HDAC8: variants seen among roughly 807,000 people sequenced by gnomAD.
HDAC8 encodes the protein histone deacetylase-like 1.
A neutral mutation model predicts 32.2 loss-of-function variants in HDAC8; 1 was observed. The ratio of observed to expected loss-of-function variants is 0.03; its 90% CI spans 0.01 to 0.15. The LOEUF (loss-of-function observed/expected upper bound fraction) is 0.15. HDAC8 is among the 10% of genes least tolerant of loss of function. The pLI, the probability that HDAC8 is intolerant of heterozygous loss-of-function variation, is 1.00. For synonymous variants in HDAC8, 108 were observed against 113.9 expected, an observed-to-expected ratio of 0.95 and a Z score of 0.33; for missense variants, 117 against 300.0, an observed-to-expected ratio of 0.39 and a Z score of 4.51.
intron 2 of HDAC8, among the ~76,000 whole-genome samples, chrX:72,570,413 G>A (rs2051975295): frequency 9.0e-6 from 1 of 110,929 alleles, no homozygotes; most frequent in Non-Finnish European, 1.9e-5. Flanking sequence ...TTAATGGAAG[G>A]CATATAGTTA....
At chrX:72,456,655 C>T (rs781832910) in intron 9 of HDAC8, among the ~76,000 whole-genome samples, 1 of 110,307 alleles carries the variant, frequency 9.1e-6, no homozygotes, top group African/African-American at 3.3e-5. Flanking sequence ...AAAAATTAGC[C>T]GGGTGTGGTG....
At chrX:72,567,655 G>A in intron 4 of HDAC8, 2 of 1,008,914 alleles carry the variant, frequency 2.0e-6, no homozygotes, top group South Asian at 2.0e-5. Flanking sequence ...AAGTCAGTTA[G>A]CCAAGTTAGA....
chrX:72,530,783 C>T (rs1556035465), intron 4 of HDAC8, among the ~76,000 whole-genome samples: 1 of 112,101 alleles, frequency 8.9e-6, no homozygotes, highest in African/African-American at 3.2e-5. Context: ...ATACTTAGTA[C>T]ATTCAGTGGA....
rs782538163 is a variant in HDAC8, at chrX:72,488,518, A to G, written c.737+415T>C. 1.9e-3 allele frequency among the ~76,000 whole-genome samples: 217 copies of G among 112,099 alleles called. 1 individual carries two copies. Among genetic ancestry groups the G allele is most frequent in the Non-Finnish European group, 2.9e-3 (155 of 53,221 alleles). ...AGGTAAGAATGCATGATGAATAATAATAGTCAATTCTCTAATATTTACACC... is the reference window on the plus strand; with the variant it reads ...AGGTAAGAATGCATGATGAATAATAGTAGTCAATTCTCTAATATTTACACC... On this transcript the variant is annotated intron_variant, in intron 7 of 10. Coordinates refer to ENST00000373573, the MANE Select transcript of HDAC8 (RefSeq NM_018486.3).
At chrX:72,527,124 C>T (rs781918919) in intron 4 of HDAC8, among the ~76,000 whole-genome samples, 1 of 112,116 alleles carries the variant, frequency 8.9e-6, no homozygotes, top group Non-Finnish European at 1.9e-5. Flanking sequence ...TTCTAAATTT[C>T]CAGCCTCATC....
chrX:72,442,411 C>A (rs1178217346), intron 9 of HDAC8, among the ~76,000 whole-genome samples: 1 of 111,387 alleles, frequency 9.0e-6, no homozygotes, highest in Non-Finnish European at 1.9e-5. Context: ...ATTTTCAACC[C>A]AGAATTTCAT....
chrX:72,376,734 C>A (rs782259982), intron 9 of HDAC8, among the ~76,000 whole-genome samples: 11 of 111,260 alleles, frequency 9.9e-5, no homozygotes, highest in African/African-American at 1.6e-4. Flanking sequence ...TTTATTATTT[C>A]TTTTCCTCTG....
chrX:72,353,982 T>C lies in HDAC8; in HGVS notation c.1006-2144A>G, dbSNP rs1215023693. ...GTTTGGAACAACACGTCCTCACTTA[T>C]GTGTGCCTATTATGCACTTACCCTC... On this transcript the variant is annotated intron_variant, in intron 9 of 10. Coordinates refer to ENST00000373573, the MANE Select transcript of HDAC8 (RefSeq NM_018486.3). Among the ~76,000 whole-genome samples, 11 of 112,108 alleles carry C rather than the reference T, an allele frequency of 9.8e-5. No homozygotes were observed. In the Admixed American group the frequency reaches 1.0e-3, roughly 11 times the overall value.
chrX:72,489,817 C>A (rs1408540229), intron 6 of HDAC8, among the ~76,000 whole-genome samples: 1 of 110,841 alleles, frequency 9.0e-6, no homozygotes, highest in Admixed American at 9.6e-5. Context: ...GAACAGGCAA[C>A]CTATAGAATG....
chrX:72,421,282 TA>T (rs782805223), intron 9 of HDAC8, among the ~76,000 whole-genome samples: 5 of 111,726 alleles, frequency 4.5e-5, no homozygotes, highest in African/African-American at 1.3e-4. Flanking sequence ...GTTACACAGG[TA>T]AACGTCTGCC....
At chrX:72,560,534 C>G (rs1213941714) in intron 4 of HDAC8, among the ~76,000 whole-genome samples, 3 of 95,480 alleles carry the variant, frequency 3.1e-5, no homozygotes, top group Admixed American at 2.4e-4. Flanking sequence ...TCCCCCTCTC[C>G]GAGAAACACC....
chrX:72,404,837 A>C (rs909291552), intron 9 of HDAC8, among the ~76,000 whole-genome samples: 4 of 110,371 alleles, frequency 3.6e-5, no homozygotes, highest in African/African-American at 3.3e-5. Flanking sequence ...TAATGTGTGG[A>C]GATATTAATT....
intron 4 of HDAC8, among the ~76,000 whole-genome samples, chrX:72,544,296 G>A (rs782079162): frequency 5.4e-5 from 6 of 111,750 alleles, no homozygotes; most frequent in East Asian, 2.8e-4. Context: ...GTTCTCCTGC[G>A]ACAGGACAAT....
In HDAC8 at chrX:72,396,481, A is replaced by C. The variant is rs548728633; in HGVS notation, c.1006-44643T>G. 4.3e-3 allele frequency among the ~76,000 whole-genome samples: 487 copies of C among 112,445 alleles called. 3 individuals carry two copies. The highest frequency in any genetic ancestry group is 6.7e-3 in the Non-Finnish European group (359 of 53,272). ...AGTTTTTAAAAATTTTTTTCTTTCA[A>C]AAAAAGTTAATTATTTAAGTTGACA... is the stretch of plus-strand genomic sequence containing the variant. On this transcript the variant is annotated intron_variant, in intron 9 of 10. Coordinates refer to ENST00000373573, the MANE Select transcript of HDAC8 (RefSeq NM_018486.3).
intron 9 of HDAC8, among the ~76,000 whole-genome samples, chrX:72,378,897 G>A (rs1469882708): frequency 3.7e-5 from 4 of 106,930 alleles, no homozygotes; most frequent in East Asian, 2.9e-4. Context: ...CAGTCTTGTC[G>A]CCAAGGCTGG....
At chrX:72,437,807 G>C (rs1177802690) in intron 9 of HDAC8, among the ~76,000 whole-genome samples, 3 of 112,320 alleles carry the variant, frequency 2.7e-5, no homozygotes, top group Admixed American at 1.9e-4. Flanking sequence ...TCCTCTCTGG[G>C]CAGGGCATCT....
intron 7 of HDAC8, among the ~76,000 whole-genome samples, chrX:72,483,593 G>T (rs1322874898): frequency 9.0e-6 from 1 of 110,955 alleles, no homozygotes; most frequent in Non-Finnish European, 1.9e-5. Context: ...AACTGTCACA[G>T]GTATTCCTTT....
intron 9 of HDAC8, among the ~76,000 whole-genome samples, chrX:72,449,022 G>A (rs1308175592): frequency 2.7e-5 from 3 of 112,111 alleles, no homozygotes; most frequent in African/African-American, 9.7e-5. Context: ...GATTCCTCAA[G>A]GATCTAGAAC....
At chrX:72,389,877 A>G (rs1555963132) in intron 9 of HDAC8, among the ~76,000 whole-genome samples, 1 of 111,623 alleles carries the variant, frequency 9.0e-6, no homozygotes, top group East Asian at 2.8e-4. Flanking sequence ...AGGGACCATG[A>G]TCCCAAAGGA....
Sources: allele counts gnomAD v4.1 joint callset (sites outside exome capture counted in the v4.1 genomes callset), GRCh38; gene constraint gnomAD v4.1.1; transcripts MANE v1.5; gene names NCBI Gene and HGNC (gene_info 2026-07-23, HGNC 2026-07-21).